Variants in TCP11L2 observed in about 807,000 individuals in gnomAD.
The protein encoded by TCP11L2 is T-complex protein 11-like protein 2.
A neutral mutation model predicts 50.7 loss-of-function variants in TCP11L2; 39 were observed. That is an observed-to-expected ratio of 0.77 (90% CI 0.60 to 1.01). The LOEUF is 1.01. TCP11L2 is among the 50% of genes least tolerant of loss of function. The pLI is 0.00. For missense variants in TCP11L2, 612 were observed against 614.7 expected, an observed-to-expected ratio of 1.00 and a Z score of 0.05; for synonymous variants, 192 against 219.3, an observed-to-expected ratio of 0.88 and a Z score of 1.10.
At chr12:106,299,166 C>G (rs1196143586), upstream of TCP11L2, among the ~76,000 whole-genome samples, 1 of 152,008 alleles carries the variant, frequency 6.6e-6, no homozygotes, top group East Asian at 1.9e-4. Flanking sequence ...GGAGTCACAT[C>G]TTACAGGAGG....
chr12:106,314,466 T>G lies in TCP11L2; in HGVS notation c.266T>G (p.Leu89Trp). 2 of 1,611,900 alleles carry G rather than the reference T, an allele frequency of 1.2e-6. No individual in the cohort carries two copies. Among genetic ancestry groups the G allele is most frequent in the South Asian group, 2.2e-5 (2 of 91,044 alleles). The change falls in exon 3 of 10, where the codon TTG becomes TGG. Residue 89 changes from leucine (L) to tryptophan (W), a missense_variant. Physicochemically the swap from Leu to Trp is moderately conservative, Grantham distance 61. Transcript: ENST00000299045. ...HEIAVNENFQ[L>W]KQEALPEKSL... ...ATTGCTGTAAATGAGAACTTTCAAT[T>G]GAAACAAGAGGCTCTCCCAGAAAAG... is the stretch of plus-strand genomic sequence containing the variant.
chr12:106,326,994 A>G (rs993309185), intron 6 of TCP11L2, among the ~76,000 whole-genome samples: 3 of 152,224 alleles, frequency 2.0e-5, no homozygotes, highest in African/African-American at 7.2e-5. Flanking sequence ...AACTGTCCAC[A>G]GCAGCATTTC....
intron 4 of TCP11L2, among the ~76,000 whole-genome samples, chr12:106,319,767 A>G (rs2035269174): frequency 6.6e-6 from 1 of 152,232 alleles, no homozygotes; most frequent in East Asian, 1.9e-4. Flanking sequence ...ATCCAGGGTC[A>G]CACAACTTTG....
intron 6 of TCP11L2, chr12:106,325,889 T>C (rs2035520934): frequency 1.3e-5 from 1 of 76,798 alleles, no homozygotes; most frequent in Admixed American, 1.9e-4. Context: ...AGACTCCGTC[T>C]CGGAAAAAAA....
intron 8 of TCP11L2, 115 bp from the exon 9 acceptor site, chr12:106,340,708 GTTA>G: frequency 2.6e-6 from 2 of 770,092 alleles, no homozygotes; most frequent in Non-Finnish European, 2.0e-6. Flanking sequence ...TCTAATAGAG[GTTA>G]TTATTGTCTG....
chr12:106,334,902 C>T (rs1436681567), intron 6 of TCP11L2, among the ~76,000 whole-genome samples: 1 of 152,030 alleles, frequency 6.6e-6, no homozygotes, highest in Non-Finnish European at 1.5e-5. Context: ...GATTGCCCCA[C>T]TGCACTCCAG....
intron 6 of TCP11L2, among the ~76,000 whole-genome samples, chr12:106,331,321 A>AAAAAG (rs79569938): frequency 0.35 from 53,206 of 151,084 alleles, 9,792 homozygotes; most frequent in African/African-American, 0.44. Context: ...TGGTATCTAC[A>AAAAAG]AAAAGAAAAG....
At chr12:106,300,511 TA>T (rs1460492703), upstream of TCP11L2, among the ~76,000 whole-genome samples, 9 of 152,172 alleles carry the variant, frequency 5.9e-5, no homozygotes, top group Non-Finnish European at 1.5e-5. Flanking sequence ...TTTGTATTTT[TA>T]GTAGAGACGG....
chr12:106,343,680 A>G, intron 9 of TCP11L2, among the ~76,000 whole-genome samples: 1 of 149,050 alleles, frequency 6.7e-6, no homozygotes, highest in South Asian at 2.1e-4. Flanking sequence ...TTTGAGATGG[A>G]GTCTTGCTCT....
chr12:106,320,727 C>A (rs1244972487), intron 4 of TCP11L2, among the ~76,000 whole-genome samples: 1 of 152,172 alleles, frequency 6.6e-6, no homozygotes, highest in Non-Finnish European at 1.5e-5. Flanking sequence ...CGAATGAATA[C>A]AAATTATTGT....
chr12:106,329,825 C>T lies in TCP11L2; in HGVS notation c.773-5814C>T, dbSNP rs2035685491. On this transcript the variant is annotated intron_variant, in intron 6 of 9. Transcript: ENST00000299045. The stretch of plus-strand genomic sequence containing the variant: ...AGTTGGATGTCTTTTAAATGAAAGA[C>T]TGCAAGTCTTTTACATCTTTATAAA... The T allele has an allele frequency of 1.0e-5, 10 of 987,050 alleles. No homozygotes were observed. The South Asian group carries it at 3.7e-4, about 37-fold the overall frequency. The allele number at this position is 987,050 out of a possible 1,614,324, so 61.1% of individuals were successfully genotyped here. A position where few individuals can be genotyped will look rare whatever the true frequency, so the allele number is the denominator to read the frequency against.
upstream of TCP11L2, among the ~76,000 whole-genome samples, chr12:106,302,398 C>T (rs1444162334): frequency 4.9e-5 from 4 of 81,512 alleles, no homozygotes; most frequent in Admixed American, 1.2e-4. Flanking sequence ...CCCCGCTCAG[C>T]CCCCGCTCAG....
At chr12:106,317,949 C>G (rs1171859423) in intron 3 of TCP11L2, among the ~76,000 whole-genome samples, 2 of 152,216 alleles carry the variant, frequency 1.3e-5, no homozygotes, top group Non-Finnish European at 1.5e-5. Flanking sequence ...CCAATCTGTT[C>G]TATTCCATGC....
upstream of TCP11L2, among the ~76,000 whole-genome samples, chr12:106,301,667 G>C (rs1289245537): frequency 6.6e-6 from 1 of 152,208 alleles, no homozygotes; most frequent in Non-Finnish European, 1.5e-5. Flanking sequence ...CAAACTTCAT[G>C]TAAGTAGTTC....
At chr12:106,329,368 T>C in intron 6 of TCP11L2, 1 of 1,536,076 alleles carries the variant, frequency 6.5e-7, no homozygotes, top group Non-Finnish European at 8.7e-7. Context: ...AGGCTGACCT[T>C]GCTTTTGGAA....
At chr12:106,328,962 G>T (rs1276451020) in intron 6 of TCP11L2, among the ~76,000 whole-genome samples, 1 of 152,116 alleles carries the variant, frequency 6.6e-6, no homozygotes, top group African/African-American at 2.4e-5. Context: ...CCAGCCCCTG[G>T]TCGGGAAGAT....
chr12:106,331,613 A>G (rs911555457), intron 6 of TCP11L2, among the ~76,000 whole-genome samples: 1 of 152,192 alleles, frequency 6.6e-6, no homozygotes, highest in African/African-American at 2.4e-5. Flanking sequence ...AGTTTGTTGA[A>G]TCTTTACCAC....
At chr12:106,329,546 GC>G in intron 6 of TCP11L2, 1 of 1,435,678 alleles carries the variant, frequency 7.0e-7, no homozygotes, top group Non-Finnish European at 9.1e-7. Context: ...AGAGGCCTGA[GC>G]CCTGCCTCAG....
At chr12:106,316,941 C>T (rs188779082) in intron 3 of TCP11L2, among the ~76,000 whole-genome samples, 35 of 152,150 alleles carry the variant, frequency 2.3e-4, no homozygotes, top group East Asian at 2.1e-3. Context: ...TCAAAAGTGG[C>T]GAGTACAGGC....
Sources: allele counts gnomAD v4.1 joint callset (sites outside exome capture counted in the v4.1 genomes callset), GRCh38; gene constraint gnomAD v4.1.1; transcripts MANE v1.5; gene names NCBI Gene and HGNC (gene_info 2026-07-23, HGNC 2026-07-21).